Variants in BRAF observed in about 807,000 individuals in gnomAD.
BRAF encodes the protein B-Raf proto-oncogene, serine/threonine kinase, also known as serine/threonine-protein kinase B-raf.
BRAF carries 16 observed loss-of-function variants against 104.6 expected under a neutral mutation model. The ratio of observed to expected loss-of-function variants is 0.15; its 90% confidence interval spans 0.10 to 0.23. The LOEUF (loss-of-function observed/expected upper bound fraction) is 0.23, where lower values mean the gene tolerates loss of function less well. Ranked by LOEUF, BRAF falls within the 10% of genes least tolerant of loss-of-function variation. The pLI is 1.00. For missense variants in BRAF, 541 were observed against 937.3 expected, an observed-to-expected ratio of 0.58 and a Z score of 5.52; for synonymous variants, 310 against 341.6, an observed-to-expected ratio of 0.91 and a Z score of 1.02.
chr7:140,919,916 C>T (rs960572685), intron 1 of BRAF, among the ~76,000 whole-genome samples: 15 of 151,730 alleles, frequency 9.9e-5, no homozygotes, highest in East Asian at 3.9e-4. Flanking sequence ...GATCATGGCT[C>T]ACTGCAGCCT....
At position 140,722,397 on chromosome 7, in the gene BRAF, C is replaced by G; in HGVS notation, c.*4097G>C. On this transcript the variant is annotated 3_prime_UTR_variant, in exon 20 of 20. Transcript: ENST00000644969. ...TCTCTTCACAAATCACTGATTTCTG[C>G]TAAAATGTTAGCTTTTTTATTGCAT... 9.5e-7 allele frequency: 1 copy of G among 1,054,076 alleles called. No homozygotes were observed. The highest frequency in any genetic ancestry group is 1.1e-6 in the Non-Finnish European group (1 of 872,328). The allele number at this position is 1,054,076 out of a possible 1,614,324, so 65.3% of individuals were successfully genotyped here.
At chr7:140,785,593 T>C (rs1801273415) in intron 10 of BRAF, 1 of 396,216 alleles carries the variant, frequency 2.5e-6, no homozygotes, top group Non-Finnish European at 4.4e-6. Flanking sequence ...ACTTTCACAC[T>C]TACAAACACA....
intron 17 of BRAF, among the ~76,000 whole-genome samples, chr7:140,744,461 T>C (rs1797187436): frequency 6.6e-6 from 1 of 152,250 alleles, no homozygotes; most frequent in Non-Finnish European, 1.5e-5. Flanking sequence ...TGTAATAAAC[T>C]GTAACTGTGA....
At chr7:140,853,333 C>T (rs528080316) in intron 1 of BRAF, among the ~76,000 whole-genome samples, 8 of 151,914 alleles carry the variant, frequency 5.3e-5, no homozygotes, top group Non-Finnish European at 1.0e-4. Context: ...GCTGTGATCG[C>T]GCCACCCCAA....
At chr7:140,826,197 A>G (rs1169783167) in intron 3 of BRAF, among the ~76,000 whole-genome samples, 2 of 152,176 alleles carry the variant, frequency 1.3e-5, no homozygotes, top group East Asian at 1.9e-4. Context: ...AACATTTCCT[A>G]TGTAATTTGC....
intron 14 of BRAF, among the ~76,000 whole-genome samples, chr7:140,761,421 C>T (rs1356745630): frequency 1.3e-5 from 2 of 152,056 alleles, no homozygotes; most frequent in African/African-American, 4.8e-5. Flanking sequence ...GTGGTACCAG[C>T]CACTGCAAAA....
intron 4 of BRAF, 52 bp from the exon 5 acceptor site, chr7:140,808,114 A>C: frequency 1.5e-6 from 2 of 1,353,950 alleles, no homozygotes; most frequent in Non-Finnish European, 2.1e-6. Flanking sequence ...AAAAATATTC[A>C]TATACCTCAT....
chr7:140,747,991 T>C (rs1057355770), intron 17 of BRAF, among the ~76,000 whole-genome samples: 3 of 152,208 alleles, frequency 2.0e-5, no homozygotes, highest in Non-Finnish European at 4.4e-5. Context: ...TATGAAGTAG[T>C]TAGAAAGGCC....
At chr7:140,917,066 T>G (rs909726781) in intron 1 of BRAF, among the ~76,000 whole-genome samples, 4 of 152,178 alleles carry the variant, frequency 2.6e-5, no homozygotes, top group African/African-American at 9.7e-5. Flanking sequence ...GACATCCATA[T>G]GTAAAATAAT....
rs993806962 is a variant in BRAF, at chr7:140,833,377, C to G, written c.504+1232G>C. On this transcript the variant is annotated intron_variant, in intron 3 of 19. Transcript: ENST00000644969. ...CCTACTTTCTGCTCATGAATACAGA[C>G]AATAAAGAATTAATTTAAGATCTAC... Among the ~76,000 whole-genome samples the G allele has an allele frequency of 2.6e-5, 4 of 152,242 alleles. No individual in the cohort carries two copies. In the South Asian group the frequency reaches 8.3e-4, roughly 32 times the overall value.
At chr7:140,734,243 G>A (rs1262410793) in intron 19 of BRAF, 2 of 1,167,268 alleles carry the variant, frequency 1.7e-6, no homozygotes, top group Admixed American at 8.1e-5. Flanking sequence ...TTCTTCTGGA[G>A]TCCCTAGTGG....
intron 2 of BRAF, among the ~76,000 whole-genome samples, chr7:140,847,428 C>CA (rs1808680536): frequency 6.6e-6 from 1 of 151,912 alleles, no homozygotes. Context: ...ACTAAAAACA[C>CA]AAAAATTAGC....
At chr7:140,885,135 A>G (rs1035779451) in intron 1 of BRAF, among the ~76,000 whole-genome samples, 1 of 151,954 alleles carries the variant, frequency 6.6e-6, no homozygotes, top group Non-Finnish European at 1.5e-5. Context: ...TTCCGATTAC[A>G]GGGACGGATT....
chr7:140,864,281 G>C (rs1413786630), intron 1 of BRAF, among the ~76,000 whole-genome samples: 2 of 152,222 alleles, frequency 1.3e-5, no homozygotes, highest in East Asian at 3.8e-4. Flanking sequence ...AAACAGTGGA[G>C]ATAGGGCTAC....
chr7:140,762,539 C>T (rs1321456524), intron 14 of BRAF, among the ~76,000 whole-genome samples: 2 of 143,414 alleles, frequency 1.4e-5, no homozygotes, highest in African/African-American at 5.2e-5. Context: ...TAACTGAAAT[C>T]AGAGCAGAAC....
At position 140,830,385 on chromosome 7, in the gene BRAF, C is replaced by G. The variant is rs537658133; in HGVS notation, c.504+4224G>C. ...AATAATATATATTTTGGTCTTCAAC[C>G]CTTTGGCCTCCAACCCCAGTTCTAG... On this transcript the variant is annotated intron_variant, in intron 3 of 19. Coordinates refer to ENST00000644969, the MANE Select transcript of BRAF (RefSeq NM_001374258.1). Among the ~76,000 whole-genome samples, 3 of 152,128 alleles carry G rather than the reference C, an allele frequency of 2.0e-5. 1 individual carries two copies. Among genetic ancestry groups the G allele is most frequent in the Admixed American group, 6.5e-5 (1 of 15,276 alleles).
chr7:140,775,000 C>T (rs1007547421), intron 14 of BRAF, among the ~76,000 whole-genome samples: 3 of 152,170 alleles, frequency 2.0e-5, no homozygotes, highest in African/African-American at 7.2e-5. Context: ...ATACAGCCTG[C>T]ATTCTAGTGG....
intron 1 of BRAF, among the ~76,000 whole-genome samples, chr7:140,866,728 A>G (rs1464711540): frequency 1.3e-5 from 2 of 151,788 alleles, no homozygotes; most frequent in Non-Finnish European, 2.9e-5. Context: ...AGTCTTAACG[A>G]CCTAAGGCAT....
intron 7 of BRAF, among the ~76,000 whole-genome samples, chr7:140,796,176 C>G (rs1802471503): frequency 6.6e-6 from 1 of 151,832 alleles, no homozygotes; most frequent in South Asian, 2.1e-4. Context: ...CATAGTAAAA[C>G]CCTGTCTCTA....
Sources: gnomAD v4.1 joint callset for allele counts (sites outside exome capture counted in the v4.1 genomes callset) on GRCh38, gnomAD v4.1.1 for gene constraint, MANE v1.5 for transcripts, NCBI Gene and HGNC (gene_info 2026-07-23, HGNC 2026-07-21) for gene names.